Variants in VAV2 observed in about 807,000 individuals in gnomAD.
VAV2 encodes the protein guanine nucleotide exchange factor VAV2.
A neutral mutation model predicts 132.5 loss-of-function variants in VAV2; 67 were observed. The observed-to-expected ratio is 0.51, with a 90% CI of 0.42 to 0.62. The LOEUF (loss-of-function observed/expected upper bound fraction) is 0.62. Among genes scored for constraint, VAV2 ranks in the 20% least tolerant of loss-of-function variants. VAV2 has a pLI of 0.00. For missense variants in VAV2, 938 were observed against 1,153.6 expected (o/e 0.81, Z 2.71); for synonymous variants, 492 against 443.5 (o/e 1.11, Z -1.37).
rs1840887189 is a variant in VAV2, at chr9:133,935,803, C to T, written c.321+3300G>A. 6.6e-6 allele frequency among the ~76,000 whole-genome samples: 1 copy of T among 152,160 alleles called. No homozygotes were observed. The highest frequency in any genetic ancestry group is 2.4e-5 in the African/African-American group (1 of 41,436). ...CGCCACAGAGACAGGGCTGGCGGGG[C>T]CGAGGCCAGGCCCACGCTGAAGGGC... On this transcript the variant is annotated intron_variant, in intron 2 of 29. Transcript: ENST00000371850. The surrounding 1 kb of genome is among the most constrained non-coding windows in gnomAD (Gnocchi z 5.2).
Position 133,788,563 on chromosome 9 carries a change from C to G in VAV2, c.1275-77G>C, listed in dbSNP as rs1373065403. The G allele has an allele frequency of 5.8e-6, 9 of 1,555,898 alleles. No individual in the cohort carries two copies. The East Asian group carries it at 2.1e-4, about 36-fold the overall frequency. On this transcript the variant is annotated intron_variant, in intron 14 of 29. Transcript: ENST00000371850. This position sits in a 1 kb window ranked among gnomAD's most constrained non-coding sequence, Gnocchi z 5.3. ...CTCCGAGGAGGCGGCAGGAGCTGAGCCTGAGGCTCTGGCACGCGGCTCCCT... is the reference window on the plus strand; with the variant it reads ...CTCCGAGGAGGCGGCAGGAGCTGAGGCTGAGGCTCTGGCACGCGGCTCCCT...
At chr9:133,891,736 AGG>A (rs1838973193) in intron 2 of VAV2, among the ~76,000 whole-genome samples, 1 of 25,974 alleles carries the variant, frequency 3.9e-5, no homozygotes, top group Non-Finnish European at 7.4e-5. Flanking sequence ...GATGGAGAGG[AGG>A]CATGGAGGAG....
chr9:133,874,279 C>A (rs972346685), intron 2 of VAV2, among the ~76,000 whole-genome samples: 1 of 152,360 alleles, frequency 6.6e-6, no homozygotes, highest in Middle Eastern at 3.4e-3. Flanking sequence ...TCACTGTCTG[C>A]GAATGCTGCT....
chr9:133,882,911 A>G (rs1258371557), intron 2 of VAV2, among the ~76,000 whole-genome samples: 2 of 151,904 alleles, frequency 1.3e-5, no homozygotes, highest in African/African-American at 4.8e-5. Flanking sequence ...GACAAGAGGG[A>G]CTCTGCCATG....
At chr9:133,766,170 T>C (rs1003813176) in intron 29 of VAV2, among the ~76,000 whole-genome samples, 1 of 152,198 alleles carries the variant, frequency 6.6e-6, no homozygotes, top group Admixed American at 6.5e-5. Context: ...TAAATCTAAA[T>C]AAGCACAACA....
chr9:133,863,309 C>G lies in VAV2; in HGVS notation c.322-1877G>C, dbSNP rs1176783485. Among the ~76,000 whole-genome samples the G allele has an allele frequency of 1.3e-5, 2 of 152,214 alleles. No individual in the cohort carries two copies. The highest frequency in any genetic ancestry group is 2.4e-5 in the African/African-American group (1 of 41,462). On this transcript the variant is annotated intron_variant, in intron 2 of 29. Coordinates refer to ENST00000371850, the MANE Select transcript of VAV2 (RefSeq NM_001134398.2). This position sits in a 1 kb window ranked among gnomAD's most constrained non-coding sequence, Gnocchi z 5.0. The stretch of plus-strand genomic sequence containing the variant: ...ATCCCTCCGAGGAGCCGGGCGCAGG[C>G]CCAGAGCCCTCCTCCGTGGAGTCTA...
intron 1 of VAV2, among the ~76,000 whole-genome samples, chr9:133,957,209 T>C (rs1200994073): frequency 6.6e-6 from 1 of 152,104 alleles, no homozygotes; most frequent in East Asian, 1.9e-4. Flanking sequence ...CTGCTGCAGG[T>C]CCGGTCTCAT....
At chr9:133,801,192 G>A (rs1048181675) in intron 9 of VAV2, among the ~76,000 whole-genome samples, 10 of 152,232 alleles carry the variant, frequency 6.6e-5, no homozygotes, top group South Asian at 4.1e-4. Flanking sequence ...CAGGAGGTTG[G>A]GGGTGGGGGG....
intron 23 of VAV2, 112 bp downstream of exon 23, chr9:133,777,277 T>A: frequency 9.3e-7 from 1 of 1,072,662 alleles, no homozygotes; most frequent in Admixed American, 2.0e-5. Flanking sequence ...GCAGCCTAAA[T>A]TTAGCAAGGA....
intron 2 of VAV2, among the ~76,000 whole-genome samples, chr9:133,905,104 C>T (rs1329681272): frequency 2.0e-5 from 3 of 152,166 alleles, no homozygotes; most frequent in African/African-American, 7.2e-5. Flanking sequence ...ACTCACCAAG[C>T]CCTGGCCCAC....
intron 9 of VAV2, among the ~76,000 whole-genome samples, chr9:133,801,194 G>C (rs1028772443): frequency 6.6e-6 from 1 of 152,354 alleles, no homozygotes; most frequent in East Asian, 1.9e-4. Context: ...GGAGGTTGGG[G>C]GTGGGGGGAA....
At position 133,794,140 on chromosome 9, in the gene VAV2, C is replaced by T. The variant is rs559879586; in HGVS notation, c.1101+1528G>A. 3.9e-5 allele frequency among the ~76,000 whole-genome samples: 6 copies of T among 152,248 alleles called. No individual in the cohort carries two copies. Among genetic ancestry groups the T allele is most frequent in the South Asian group, 4.2e-4 (2 of 4,812 alleles). ...AGACCACACTCAGGGCCCGGGTGCA[C>T]GGCCCACTGCACCTGCTGTCACTGT... On this transcript the variant is annotated intron_variant, in intron 12 of 29. Transcript: ENST00000371850. This position sits in a 1 kb window ranked among gnomAD's most constrained non-coding sequence, Gnocchi z 4.6.
Position 133,912,282 on chromosome 9 carries a change from C to G in VAV2, c.321+26821G>C, listed in dbSNP as rs1425602395. On this transcript the variant is annotated intron_variant, in intron 2 of 29. Transcript: ENST00000371850. This position sits in a 1 kb window ranked among gnomAD's most constrained non-coding sequence, Gnocchi z 4.3. Reference sequence around the variant, plus strand: ...ACCTACGGCATCAGGACACCGTCACCGGAGGATGGTCCAAGAAGGCGGGAA... The same window carrying G: ...ACCTACGGCATCAGGACACCGTCACGGGAGGATGGTCCAAGAAGGCGGGAA... Among the ~76,000 whole-genome samples the G allele has an allele frequency of 6.6e-6, 1 of 152,086 alleles. No individual in the cohort carries two copies. The highest frequency in any genetic ancestry group is 6.5e-5 in the Admixed American group (1 of 15,272).
chr9:133,907,815 C>T (rs1047514799), intron 2 of VAV2, among the ~76,000 whole-genome samples: 1 of 152,226 alleles, frequency 6.6e-6, no homozygotes, highest in Non-Finnish European at 1.5e-5. Flanking sequence ...TGCAGTGGCA[C>T]AGACGGCACA....
At chr9:133,977,051 A>G (rs1486270148) in intron 1 of VAV2, among the ~76,000 whole-genome samples, 4 of 152,212 alleles carry the variant, frequency 2.6e-5, no homozygotes, top group African/African-American at 9.6e-5. Context: ...CCACGCAGCG[A>G]GGCTGAGGTG....
chr9:133,954,625 C>G (rs779044643), intron 1 of VAV2, among the ~76,000 whole-genome samples: 2 of 152,192 alleles, frequency 1.3e-5, no homozygotes, highest in Non-Finnish European at 2.9e-5. Context: ...ACCTGTGGGG[C>G]GGGCGGGGGA....
chr9:133,791,992 T>G (rs1296012689), intron 12 of VAV2, 123 bp from the exon 13 acceptor site: 3 of 189,530 alleles, frequency 1.6e-5, no homozygotes, highest in African/African-American at 1.6e-4. Flanking sequence ...GGGTGGGGGG[T>G]GTGTGACTGT....
chr9:133,820,104 T>C (rs1187887721), intron 4 of VAV2, among the ~76,000 whole-genome samples: 3 of 152,114 alleles, frequency 2.0e-5, no homozygotes, highest in Non-Finnish European at 4.4e-5. Context: ...ACAGTCCAAG[T>C]GGGGAGACTG....
intron 13 of VAV2, among the ~76,000 whole-genome samples, chr9:133,790,268 C>T (rs544092984): frequency 2.3e-4 from 35 of 152,324 alleles, no homozygotes; most frequent in Admixed American, 9.8e-4. Context: ...CCTCTGCCTC[C>T]CGGGTTCAAG....
Sources: gnomAD v4.1 joint callset for allele counts (sites outside exome capture counted in the v4.1 genomes callset) on GRCh38, gnomAD v4.1.1 for gene constraint, Gnocchi (gnomAD v3.1) non-coding constraint, MANE v1.5 for transcripts, NCBI Gene and HGNC (gene_info 2026-07-23, HGNC 2026-07-21) for gene names.